TRDN: variants seen among roughly 807,000 people sequenced by gnomAD.
The protein encoded by TRDN is triadin in skeletal muscle.
TRDN carries 161 observed loss-of-function variants against 149.7 expected under a neutral mutation model. The ratio of observed to expected loss-of-function variants is 1.08; its 90% CI spans 0.95 to 1.23. The LOEUF (loss-of-function observed/expected upper bound fraction) is 1.23. TRDN is among the 50% of genes most tolerant of loss of function. The probability of loss-of-function intolerance (pLI) is 0.00; values close to 1 mark genes in which losing one functional copy is unlikely to be tolerated. For missense variants in TRDN, 896 were observed against 823.5 expected, an observed-to-expected ratio of 1.09 and a Z score of -1.08; for synonymous variants, 294 against 250.5, an observed-to-expected ratio of 1.17 and a Z score of -1.64.
At chr6:123,415,191 A>G (rs777371801) in intron 12 of TRDN, among the ~76,000 whole-genome samples, 10 of 152,226 alleles carry the variant, frequency 6.6e-5, no homozygotes, top group Non-Finnish European at 1.3e-4. Flanking sequence ...TTGAGTGATC[A>G]GGCTGAACTA....
At position 123,252,404 on chromosome 6, in the gene TRDN, G is replaced by T. The variant is rs754046696; in HGVS notation, c.1975+8C>A. 2.7e-6 allele frequency: 4 copies of T among 1,502,656 alleles called. No homozygotes were observed. The South Asian group carries it at 5.1e-5, about 19-fold the overall frequency. The allele number at this position is 1,502,656 out of a possible 1,614,324, so 93.1% of individuals were successfully genotyped here. On this transcript the variant is annotated splice_region_variant and intron_variant, in intron 38 of 40. Coordinates refer to ENST00000334268, the MANE Select transcript of TRDN (RefSeq NM_006073.4). ...AGAGAACTTGTCATTAATACAAACCGTACTTACTTGATACTCTTGCAGGTT... is the reference window on the plus strand; with the variant it reads ...AGAGAACTTGTCATTAATACAAACCTTACTTACTTGATACTCTTGCAGGTT...
rs1780383710 is a variant in TRDN, at chr6:123,349,687, A to G, written c.1369+2852T>C. On this transcript the variant is annotated intron_variant, in intron 21 of 40. Coordinates refer to ENST00000334268, the MANE Select transcript of TRDN (RefSeq NM_006073.4). ...ACACCAAGAAATATGAACATTCATT[A>G]TATTCAAATGGATAAAGTTTTCTCA... 10 of 967,922 alleles carry G rather than the reference A, an allele frequency of 1.0e-5. No individual in the cohort carries two copies. The South Asian group carries it at 4.8e-4, about 46-fold the overall frequency. 60.0% of individuals were successfully genotyped at this position (967,922 alleles called of 1,614,324 possible). A position where few individuals can be genotyped will look rare whatever the true frequency, so the allele number is the denominator to read the frequency against.
intron 1 of TRDN, among the ~76,000 whole-genome samples, chr6:123,574,752 C>G (rs572168592): frequency 6.7e-6 from 1 of 149,906 alleles, no homozygotes; most frequent in Non-Finnish European, 1.5e-5. Flanking sequence ...CTTTGTATAC[C>G]GAAACTCAAG....
At chr6:123,517,086 A>T (rs1318172530) in intron 5 of TRDN, among the ~76,000 whole-genome samples, 1 of 152,184 alleles carries the variant, frequency 6.6e-6, no homozygotes, top group African/African-American at 2.4e-5. Flanking sequence ...TGACTAGTGG[A>T]TGCTAAGCAA....
chr6:123,379,441 A>G (rs952259130), intron 16 of TRDN, among the ~76,000 whole-genome samples: 1 of 152,202 alleles, frequency 6.6e-6, no homozygotes, highest in South Asian at 2.1e-4. Context: ...TGTCTGGCAA[A>G]TGAAGAGCAA....
At chr6:123,616,540 T>C (rs1785092536) in intron 1 of TRDN, among the ~76,000 whole-genome samples, 1 of 152,212 alleles carries the variant, frequency 6.6e-6, no homozygotes, top group Admixed American at 6.5e-5. Flanking sequence ...TTTATTCATA[T>C]GCATTTATAC....
At chr6:123,478,301 G>C (rs113468966) in intron 9 of TRDN, among the ~76,000 whole-genome samples, 1 of 152,072 alleles carries the variant, frequency 6.6e-6, no homozygotes, top group Non-Finnish European at 1.5e-5. Flanking sequence ...TTAGTTAGAC[G>C]TTGAATGGAC....
chr6:123,337,911 G>C (rs537699714), intron 21 of TRDN, among the ~76,000 whole-genome samples: 3 of 152,050 alleles, frequency 2.0e-5, no homozygotes, highest in Non-Finnish European at 2.9e-5. Flanking sequence ...ACAAAAAAAG[G>C]TACATGTAAA....
intron 2 of TRDN, among the ~76,000 whole-genome samples, chr6:123,568,546 G>C (rs570032309): frequency 1.1e-4 from 16 of 152,228 alleles, no homozygotes; most frequent in Admixed American, 1.0e-3. Flanking sequence ...TGAAATCTAG[G>C]TGGAGGCTGC....
At chr6:123,353,706 C>A in intron 20 of TRDN, among the ~76,000 whole-genome samples, 1 of 151,426 alleles carries the variant, frequency 6.6e-6, no homozygotes, top group Non-Finnish European at 1.5e-5. Flanking sequence ...TTAATTATAT[C>A]TGTTGAAAAA....
chr6:123,566,324 C>T (rs1249974264), intron 2 of TRDN, among the ~76,000 whole-genome samples: 1 of 152,140 alleles, frequency 6.6e-6, no homozygotes, highest in Non-Finnish European at 1.5e-5. Context: ...CTTGTAGGTT[C>T]ATAGAGCTGA....
chr6:123,558,500 C>T (rs945221211), intron 2 of TRDN, among the ~76,000 whole-genome samples: 2 of 152,084 alleles, frequency 1.3e-5, no homozygotes, highest in Non-Finnish European at 2.9e-5. Flanking sequence ...TTTTCTTTAT[C>T]CCAAATCAGT....
intron 1 of TRDN, among the ~76,000 whole-genome samples, chr6:123,575,020 T>C (rs890413351): frequency 6.6e-6 from 1 of 151,378 alleles, no homozygotes; most frequent in Non-Finnish European, 1.5e-5. Context: ...TAAATTTGTA[T>C]TCACTTAATG....
intron 12 of TRDN, among the ~76,000 whole-genome samples, chr6:123,399,085 T>C (rs567592370): frequency 9.2e-5 from 14 of 152,340 alleles, no homozygotes; most frequent in African/African-American, 2.6e-4. Flanking sequence ...AAATAATCTA[T>C]ATTTTAATCT....
At chr6:123,569,953 T>G (rs2114533681) in intron 2 of TRDN, among the ~76,000 whole-genome samples, 1 of 152,362 alleles carries the variant, frequency 6.6e-6, no homozygotes, top group African/African-American at 2.4e-5. Context: ...AACAGAGTTC[T>G]ATTTTCATAA....
At chr6:123,292,724 T>G (rs183706150) in intron 24 of TRDN, among the ~76,000 whole-genome samples, 3 of 152,278 alleles carry the variant, frequency 2.0e-5, no homozygotes, top group African/African-American at 7.2e-5. Context: ...TGTCCAGGGT[T>G]AACCTATGTC....
At chr6:123,546,259 T>C (rs1486704185) in intron 4 of TRDN, among the ~76,000 whole-genome samples, 1 of 152,162 alleles carries the variant, frequency 6.6e-6, no homozygotes, top group Middle Eastern at 3.2e-3. Flanking sequence ...CACAGAGCTT[T>C]ATAAACACTT....
intron 33 of TRDN, among the ~76,000 whole-genome samples, chr6:123,261,728 G>A (rs1018300773): frequency 4.6e-5 from 7 of 151,660 alleles, no homozygotes; most frequent in African/African-American, 1.4e-4. Flanking sequence ...AATAAATAAT[G>A]TTTCATAAAA....
At chr6:123,566,339 C>T (rs10080527) in intron 2 of TRDN, among the ~76,000 whole-genome samples, 37,683 of 151,986 alleles carry the variant, frequency 0.25, 5,027 homozygotes, top group African/African-American at 0.28. Context: ...AGCTGAATAA[C>T]GAACCCAAAT....
Sources: gnomAD v4.1 joint callset for allele counts (sites outside exome capture counted in the v4.1 genomes callset) on GRCh38, gnomAD v4.1.1 for gene constraint, MANE v1.5 for transcripts, NCBI Gene and HGNC (gene_info 2026-07-23, HGNC 2026-07-21) for gene names.